CACNA2D1: variants seen among roughly 807,000 people sequenced by gnomAD.
CACNA2D1 encodes the protein calcium voltage-gated channel auxiliary subunit alpha2delta 1, also known as voltage-dependent calcium channel subunit alpha-2/delta-1.
Under a neutral mutation model 171.5 loss-of-function variants are expected in CACNA2D1, and 53 were observed. The observed-to-expected ratio is 0.31, with a 90% CI of 0.25 to 0.39. The LOEUF (loss-of-function observed/expected upper bound fraction) is 0.39, where lower values mean the gene tolerates loss of function less well. Ranked by LOEUF, CACNA2D1 falls within the 10% of genes least tolerant of loss-of-function variation. The pLI is 1.00. For missense variants in CACNA2D1, 903 were observed against 1,299.8 expected, an observed-to-expected ratio of 0.69 and a Z score of 4.69; for synonymous variants, 442 against 443.1, an observed-to-expected ratio of 1.00 and a Z score of 0.03.
intron 3 of CACNA2D1, among the ~76,000 whole-genome samples, chr7:82,182,561 C>CTT (rs1563168015): frequency 6.8e-6 from 1 of 147,548 alleles, no homozygotes; most frequent in East Asian, 2.0e-4. Flanking sequence ...CTTTTTTCTG[C>CTT]GTTTTTTTTT....
intron 3 of CACNA2D1, among the ~76,000 whole-genome samples, chr7:82,204,763 A>T (rs1459062666): frequency 1.3e-5 from 2 of 152,106 alleles, no homozygotes. Flanking sequence ...GAGCCTATGT[A>T]TAAGGCCTCT....
intron 1 of CACNA2D1, among the ~76,000 whole-genome samples, chr7:82,374,144 C>A (rs978324): frequency 6.6e-6 from 1 of 152,090 alleles, no homozygotes; most frequent in Admixed American, 6.5e-5. Context: ...CTCTCCAAGA[C>A]AGTGTAAATG....
chr7:82,416,860 C>T (rs1017829049), intron 1 of CACNA2D1, among the ~76,000 whole-genome samples: 12 of 152,114 alleles, frequency 7.9e-5, no homozygotes, highest in Non-Finnish European at 5.9e-5. Context: ...ATATGTAATG[C>T]CTAAATTAGG....
chr7:82,222,698 T>C (rs146226198), intron 3 of CACNA2D1, among the ~76,000 whole-genome samples: 1 of 152,106 alleles, frequency 6.6e-6, no homozygotes, highest in African/African-American at 2.4e-5. Context: ...TAATTTATTA[T>C]AAAGCTGAGC....
At chr7:81,971,405 G>C (rs1461427460) in intron 26 of CACNA2D1, among the ~76,000 whole-genome samples, 1 of 151,614 alleles carries the variant, frequency 6.6e-6, no homozygotes, top group African/African-American at 2.4e-5. Context: ...ATGGGGTGGA[G>C]AAGAGATTTT....
rs1562981029 is a variant in CACNA2D1, at chr7:82,060,168, A to ATATATATAT, written c.879+251_879+259dup. Among the ~76,000 whole-genome samples, 21 of 10,328 alleles carry ATATATATAT rather than the reference A, an allele frequency of 2.0e-3. 1 individual carries two copies. Among genetic ancestry groups the ATATATATAT allele is most frequent in the African/African-American group, 4.3e-3 (18 of 4,200 alleles). The allele number at this position is 10,328 out of a possible 152,430, so 6.8% of individuals were successfully genotyped here. On this transcript the variant is annotated intron_variant, in intron 10 of 38. Coordinates refer to ENST00000356860, the MANE Select transcript of CACNA2D1 (RefSeq NM_000722.4). Reference sequence around the variant, plus strand: ...TATATATGTATTATATATATATAATATATATATATAATATATATATATTAT... The same window carrying ATATATATAT: ...TATATATGTATTATATATATATAATATATATATATTATATATATAATATATATATATTAT...
chr7:82,238,089 T>C (rs186254492), intron 3 of CACNA2D1, among the ~76,000 whole-genome samples: 100 of 152,044 alleles, frequency 6.6e-4, no homozygotes, highest in South Asian at 2.7e-3. Flanking sequence ...AATGAGGAAA[T>C]GAAAAGATAG....
At chr7:81,990,477 C>G (rs1797426357) in intron 21 of CACNA2D1, among the ~76,000 whole-genome samples, 7 of 150,986 alleles carry the variant, frequency 4.6e-5, no homozygotes. Context: ...AGGGATGTGA[C>G]TGTTAAGAAG....
rs528534768 is a variant in CACNA2D1 at position 82,217,195 on chromosome 7, A to T, written c.295-46586T>A. Among the ~76,000 whole-genome samples the T allele has an allele frequency of 4.9e-3, 738 of 151,834 alleles. 8 individuals are homozygous for T. The highest frequency in any genetic ancestry group is 7.5e-3 in the Admixed American group (114 of 15,224). The stretch of plus-strand genomic sequence containing the variant: ...AGCACCTTTTTCCTGGACCCTTAAA[A>T]CAATATACTTTGAATTAATTGCAAG... On this transcript the variant is annotated intron_variant, in intron 3 of 38. Transcript: ENST00000356860.
chr7:82,327,313 AAC>A (rs1463133531), intron 3 of CACNA2D1, among the ~76,000 whole-genome samples: 1 of 152,238 alleles, frequency 6.6e-6, no homozygotes, highest in Non-Finnish European at 1.5e-5. Context: ...ACACAGAAGT[AAC>A]AGAGTGGGAT....
At chr7:82,409,470 G>A (rs1479073204) in intron 1 of CACNA2D1, among the ~76,000 whole-genome samples, 1 of 152,160 alleles carries the variant, frequency 6.6e-6, no homozygotes, top group Non-Finnish European at 1.5e-5. Context: ...GGCAAAAGCA[G>A]AAACTAGTTA....
In CACNA2D1 at chr7:82,443,642, A is replaced by G. The variant is rs6954596; in HGVS notation, c.-183T>C. The G allele has an allele frequency of 0.61, 785,781 of 1,291,474 alleles. 241,586 individuals are homozygous for G. Among genetic ancestry groups the G allele is most frequent in the African/African-American group, 0.83 (53,213 of 64,402 alleles). The allele number at this position is 1,291,474 out of a possible 1,614,324, so 80.0% of individuals were successfully genotyped here. On this transcript the variant is annotated 5_prime_UTR_variant, in exon 1 of 39. Coordinates refer to ENST00000356860, the MANE Select transcript of CACNA2D1 (RefSeq NM_000722.4). ...ACGGCAAGGGCGGGAGCGGACGCCG[A>G]GGAAGGGGCGGTGGCGGGCGGACCC...
intron 6 of CACNA2D1, among the ~76,000 whole-genome samples, chr7:82,099,019 A>G (rs1812289319): frequency 6.6e-6 from 1 of 152,194 alleles, no homozygotes; most frequent in African/African-American, 2.4e-5. Context: ...GTAAACATTG[A>G]TGTTATACTG....
chr7:81,951,153 T>C (rs1792473680), intron 38 of CACNA2D1, among the ~76,000 whole-genome samples: 1 of 152,074 alleles, frequency 6.6e-6, no homozygotes. Flanking sequence ...AAGAGATTTG[T>C]CTTGAGACAA....
At chr7:82,394,222 C>A (rs1283245122) in intron 1 of CACNA2D1, among the ~76,000 whole-genome samples, 1 of 151,812 alleles carries the variant, frequency 6.6e-6, no homozygotes, top group African/African-American at 2.4e-5. Flanking sequence ...AAATCACAAT[C>A]GAGTGATTTT....
intron 1 of CACNA2D1, among the ~76,000 whole-genome samples, chr7:82,380,678 C>T (rs1457526590): frequency 6.6e-6 from 1 of 151,934 alleles, no homozygotes; most frequent in African/African-American, 2.4e-5. Context: ...CCCAACTACT[C>T]ATTTACTGTG....
rs1390599574 is a variant in CACNA2D1, at chr7:82,124,118, T to A, written c.397-6945A>T. On this transcript the variant is annotated intron_variant, in intron 5 of 38. Transcript: ENST00000356860. ...TTCAAGGATTCAATATTGGCCAACA[T>A]CAAAAATTGAAATAAAGATTGCAAA... Among the ~76,000 whole-genome samples, 3 of 152,104 alleles carry A rather than the reference T, an allele frequency of 2.0e-5. No individual in the cohort carries two copies. In the East Asian group the frequency reaches 5.8e-4, roughly 29 times the overall value.
At chr7:82,295,465 TG>T (rs1261396119) in intron 3 of CACNA2D1, among the ~76,000 whole-genome samples, 3 of 151,850 alleles carry the variant, frequency 2.0e-5, no homozygotes, top group Non-Finnish European at 4.4e-5. Context: ...GCCTCCCCAG[TG>T]GCTGAGATTA....
intron 3 of CACNA2D1, among the ~76,000 whole-genome samples, chr7:82,195,156 G>A (rs1012632338): frequency 6.6e-6 from 1 of 151,868 alleles, no homozygotes; most frequent in African/African-American, 2.4e-5. Flanking sequence ...TAATGACACT[G>A]CAATTAGTAC....
Sources: gnomAD v4.1 joint callset for allele counts (sites outside exome capture counted in the v4.1 genomes callset) on GRCh38, gnomAD v4.1.1 for gene constraint, MANE v1.5 for transcripts, NCBI Gene and HGNC (gene_info 2026-07-23, HGNC 2026-07-21) for gene names.